Variants in NRXN1 observed in about 807,000 individuals in gnomAD.
NRXN1 encodes the protein neurexin-1.
Under a neutral mutation model 150.9 loss-of-function variants are expected in NRXN1, and 39 were observed. The observed-to-expected ratio is 0.26, with a 90% CI of 0.20 to 0.34. The LOEUF (loss-of-function observed/expected upper bound fraction) is 0.34. Ranked by LOEUF, NRXN1 falls within the 10% of genes least tolerant of loss-of-function variation. NRXN1 has a pLI of 1.00. For synonymous variants in NRXN1, 924 were observed against 757.0 expected, an observed-to-expected ratio of 1.22 and a Z score of -3.62; for missense variants, 1,815 against 1,949.9, an observed-to-expected ratio of 0.93 and a Z score of 1.30.
At chr2:50,520,180 T>C (rs1176600011) in intron 12 of NRXN1, among the ~76,000 whole-genome samples, 1 of 151,952 alleles carries the variant, frequency 6.6e-6, no homozygotes, top group Non-Finnish European at 1.5e-5. Context: ...CTTTTATGTA[T>C]TTTCTGTTTC....
chr2:50,502,732 A>C (rs2092012983), intron 13 of NRXN1, among the ~76,000 whole-genome samples: 1 of 152,228 alleles, frequency 6.6e-6, no homozygotes, highest in Non-Finnish European at 1.5e-5. Context: ...CACACTTTAT[A>C]AAATGTGCAT....
chr2:50,369,895 C>A (rs529059870), intron 17 of NRXN1, among the ~76,000 whole-genome samples: 1 of 151,858 alleles, frequency 6.6e-6, no homozygotes, highest in Non-Finnish European at 1.5e-5. Context: ...TGGGAGGAGA[C>A]TGTAGTGTGA....
At chr2:50,113,237 ATTAAT>A (rs1702606277) in intron 18 of NRXN1, among the ~76,000 whole-genome samples, 1 of 152,212 alleles carries the variant, frequency 6.6e-6, no homozygotes, top group Non-Finnish European at 1.5e-5. Context: ...CGCAGCCATC[ATTAAT>A]TTCTTCCTCT....
chr2:50,767,450 T>C (rs2105425496), intron 5 of NRXN1, among the ~76,000 whole-genome samples: 1 of 152,160 alleles, frequency 6.6e-6, no homozygotes, highest in South Asian at 2.1e-4. Context: ...TTGTAAATGC[T>C]TACCAAATCA....
chr2:50,180,178 C>T (rs1018390536), intron 18 of NRXN1, among the ~76,000 whole-genome samples: 1 of 146,128 alleles, frequency 6.8e-6, no homozygotes, highest in East Asian at 2.2e-4. Context: ...GGTGCCCCCA[C>T]ATCTGGCTAA....
intron 21 of NRXN1, among the ~76,000 whole-genome samples, chr2:49,988,180 T>G (rs1268136890): frequency 6.6e-6 from 1 of 151,792 alleles, no homozygotes; most frequent in Non-Finnish European, 1.5e-5. Flanking sequence ...ATTAAAGGTT[T>G]TCTTACATAA....
chr2:50,513,901 T>C (rs776333865), intron 12 of NRXN1, among the ~76,000 whole-genome samples: 6 of 152,158 alleles, frequency 3.9e-5, no homozygotes, highest in Non-Finnish European at 8.8e-5. Context: ...ATTGCATCTC[T>C]ACACACCCTT....
intron 18 of NRXN1, among the ~76,000 whole-genome samples, chr2:50,107,989 C>CA (rs1481640704): frequency 1.3e-5 from 2 of 151,778 alleles, no homozygotes; most frequent in African/African-American, 4.8e-5. Context: ...TGCTCACAGT[C>CA]ACTCCACTAA....
intron 18 of NRXN1, among the ~76,000 whole-genome samples, chr2:50,152,631 G>T (rs2058761149): frequency 6.6e-6 from 1 of 151,472 alleles, no homozygotes; most frequent in Non-Finnish European, 1.5e-5. Context: ...TTTTATTTTG[G>T]CACTTTGAAT....
chr2:50,773,708 T>G (rs1703274110), intron 5 of NRXN1, among the ~76,000 whole-genome samples: 1 of 152,036 alleles, frequency 6.6e-6, no homozygotes, highest in South Asian at 2.1e-4. Flanking sequence ...AAAATCCAGT[T>G]GGGACAGGGT....
chr2:50,510,066 G>A (rs935460303), intron 12 of NRXN1, among the ~76,000 whole-genome samples: 2 of 151,952 alleles, frequency 1.3e-5, no homozygotes, highest in African/African-American at 4.8e-5. Flanking sequence ...TTCAATCTTT[G>A]ACTTCAAGCC....
chr2:51,004,797 G>C (rs1168026538), intron 2 of NRXN1, among the ~76,000 whole-genome samples: 4 of 151,982 alleles, frequency 2.6e-5, no homozygotes, highest in Admixed American at 2.6e-4. Flanking sequence ...TCTCCATCTA[G>C]AGGAGAATTT....
chr2:50,964,725 T>A (rs1411919252), intron 2 of NRXN1, among the ~76,000 whole-genome samples: 5 of 151,646 alleles, frequency 3.3e-5, no homozygotes, highest in African/African-American at 1.2e-4. Context: ...ATAAATGCTT[T>A]ATTTCAGGTG....
chr2:50,819,728 A>C (rs1447456514), intron 5 of NRXN1, among the ~76,000 whole-genome samples: 1 of 152,074 alleles, frequency 6.6e-6, no homozygotes, highest in East Asian at 1.9e-4. Flanking sequence ...AAAGAATCTT[A>C]GTGATTTTTA....
chr2:50,606,147 G>A (rs1023885930), intron 8 of NRXN1, among the ~76,000 whole-genome samples: 41 of 151,622 alleles, frequency 2.7e-4, no homozygotes, highest in African/African-American at 9.9e-4. Flanking sequence ...CTACCTGGCA[G>A]GCTGAGGCAG....
intron 21 of NRXN1, 85 bp downstream of exon 21, chr2:50,053,174 GAAAAATGTTCCA>G: frequency 7.7e-7 from 1 of 1,290,328 alleles, no homozygotes; most frequent in Non-Finnish European, 1.1e-6. Context: ...CCTAAGATCA[GAAAAATGTTCCA>G]ATTTAGAAAA....
In NRXN1 at chr2:50,636,857, G is replaced by A. The variant is rs571559131; in HGVS notation, c.833-13242C>T. 2.0e-5 allele frequency among the ~76,000 whole-genome samples: 3 copies of A among 152,184 alleles called. No individual in the cohort carries two copies. In the South Asian group the frequency reaches 6.2e-4, roughly 32 times the overall value. On this transcript the variant is annotated intron_variant, in intron 5 of 22. Coordinates refer to ENST00000401669, the MANE Select transcript of NRXN1 (RefSeq NM_001330078.2). ...TTGATTATTTGTCCCCAAATTTAAA[G>A]TACTTCTTCATATAATTGCAAATAT...
At chr2:50,260,737 G>C (rs2068181754) in intron 17 of NRXN1, among the ~76,000 whole-genome samples, 1 of 146,846 alleles carries the variant, frequency 6.8e-6, no homozygotes. Context: ...GACAGTATCA[G>C]AGCAGTGTTA....
chr2:50,199,130 C>T (rs527743794), intron 18 of NRXN1: 1 of 152,220 alleles, frequency 6.6e-6, no homozygotes, highest in East Asian at 1.9e-4. Context: ...CCAATTTTCG[C>T]AGAAATATTT....
Sources: gnomAD v4.1 joint callset for allele counts (sites outside exome capture counted in the v4.1 genomes callset) on GRCh38, gnomAD v4.1.1 for gene constraint, MANE v1.5 for transcripts, NCBI Gene and HGNC (gene_info 2026-07-23, HGNC 2026-07-21) for gene names.